KPNA7: variants seen among roughly 807,000 people sequenced by gnomAD.
KPNA7 encodes the protein importin subunit alpha-8.
KPNA7 carries 54 observed loss-of-function variants against 53.7 expected under a neutral mutation model. The ratio of observed to expected loss-of-function variants is 1.01; its 90% CI spans 0.81 to 1.26. The LOEUF is 1.26. KPNA7 is among the 50% of genes most tolerant of loss of function. The pLI, the probability that KPNA7 is intolerant of heterozygous loss-of-function variation, is 0.00. For synonymous variants in KPNA7, 276 were observed against 259.3 expected (o/e 1.06, Z -0.62); for missense variants, 640 against 644.5 (o/e 0.99, Z 0.07).
chr7:99,162,709 A>G, the KPNA7 span, among the ~76,000 whole-genome samples: 1 of 152,218 alleles, frequency 6.6e-6, no homozygotes, highest in East Asian at 1.9e-4. Context: ...CTCGGACAAC[A>G]GTGACTAAGC....
intron 2 of KPNA7, among the ~76,000 whole-genome samples, chr7:99,206,957 G>C (rs910466061): frequency 2.0e-5 from 3 of 152,052 alleles, no homozygotes; most frequent in African/African-American, 4.8e-5. Flanking sequence ...ATAATTCAGG[G>C]AAACACCTAG....
Position 99,207,426 on chromosome 7 carries a change from A to C in KPNA7, c.41T>G (p.Phe14Cys), listed in dbSNP as rs528821704. The change falls in exon 2 of 11, where the codon TTT becomes TGT. Residue 14 changes from phenylalanine to cysteine, a missense_variant. Coordinates refer to ENST00000327442, the MANE Select transcript of KPNA7 (RefSeq NM_001145715.3). ...AGACACATCTTTGCCTCGGTACTTA[A>C]ATTTTCTCCGCCTCTCTTCTGGAGC... is the stretch of plus-strand genomic sequence containing the variant. ...LDAPEERRRK[F>C]KYRGKDVSLR... 14 of 1,551,322 alleles carry C rather than the reference A, an allele frequency of 9.0e-6. No homozygotes were observed. The highest frequency in any genetic ancestry group is 1.2e-5 in the Non-Finnish European group (14 of 1,146,900).
At chr7:99,200,561 A>G (rs1790469033) in intron 3 of KPNA7, among the ~76,000 whole-genome samples, 2 of 152,208 alleles carry the variant, frequency 1.3e-5, no homozygotes, top group African/African-American at 4.8e-5. Flanking sequence ...CTTAGTTCAT[A>G]ACCCAGTTAT....
chr7:99,193,664 CCTTTT>C (rs1388878390), intron 5 of KPNA7, among the ~76,000 whole-genome samples: 4 of 150,072 alleles, frequency 2.7e-5, no homozygotes, highest in African/African-American at 7.4e-5. Context: ...CCTCCTGCAG[CCTTTT>C]ATTTTTTTTT....
intron 2 of KPNA7, among the ~76,000 whole-genome samples, chr7:99,204,151 G>A (rs1000831065): frequency 1.3e-5 from 2 of 152,036 alleles, no homozygotes; most frequent in Non-Finnish European, 2.9e-5. Context: ...AGGTCAAGGT[G>A]GGAGGATCAT....
intron 10 of KPNA7, among the ~76,000 whole-genome samples, chr7:99,174,940 A>T (rs1798845993): frequency 6.6e-6 from 1 of 151,652 alleles, no homozygotes; most frequent in Non-Finnish European, 1.5e-5. Flanking sequence ...CCTCCTGAGT[A>T]GCTGGGATTA....
At chr7:99,152,369 G>T in the KPNA7 span, among the ~76,000 whole-genome samples, 8 of 138,276 alleles carry the variant, frequency 5.8e-5, no homozygotes, top group African/African-American at 2.2e-4. Context: ...AAAAAAAAAA[G>T]AAAAAGAAAA....
chr7:99,214,179 C>T (rs1381485183), intron 1 of KPNA7, among the ~76,000 whole-genome samples: 1 of 151,792 alleles, frequency 6.6e-6, no homozygotes, highest in African/African-American at 2.4e-5. Flanking sequence ...CCTGTAATCC[C>T]AGCACCTTGG....
chr7:99,188,690 A>G, intron 6 of KPNA7, 127 bp from the exon 7 acceptor site: 3 of 1,045,806 alleles, frequency 2.9e-6, no homozygotes, highest in East Asian at 2.7e-5. Flanking sequence ...AATTTTATTT[A>G]TTATTTTCAG....
intron 1 of KPNA7, among the ~76,000 whole-genome samples, chr7:99,216,178 C>A (rs1223024502): frequency 6.6e-6 from 1 of 152,060 alleles, no homozygotes; most frequent in African/African-American, 2.4e-5. Flanking sequence ...CAGGCACACA[C>A]CACCACACCC....
At chr7:99,194,425 T>A (rs1278996287) in intron 5 of KPNA7, among the ~76,000 whole-genome samples, 3 of 152,122 alleles carry the variant, frequency 2.0e-5, no homozygotes, top group African/African-American at 7.2e-5. Context: ...GGTCCCGAGT[T>A]ATGTAAGGGT....
chr7:99,148,552 T>C, the KPNA7 span, among the ~76,000 whole-genome samples: 1 of 152,172 alleles, frequency 6.6e-6, no homozygotes, highest in South Asian at 2.1e-4. Flanking sequence ...GAAACCAATT[T>C]ATGAATCCTG....
chr7:99,193,299 G>T (rs778683306), intron 5 of KPNA7, among the ~76,000 whole-genome samples, 198 bp from the exon 6 acceptor site: 9 of 152,224 alleles, frequency 5.9e-5, no homozygotes, highest in Non-Finnish European at 1.3e-4. Context: ...TAACAGGCAG[G>T]CATCACACAG....
chr7:99,195,204 T>C lies in KPNA7; in HGVS notation c.419A>G (p.Asn140Ser). 2.6e-6 allele frequency: 4 copies of C among 1,551,630 alleles called. No homozygotes were observed. Among genetic ancestry groups the C allele is most frequent in the Non-Finnish European group, 3.5e-6 (4 of 1,147,000 alleles). ...CTGCTCCGAAGTCCCTGAAGCGATG[T>C]TGGTCAGGGCCCAGGCAGCCTCAAA... is the stretch of plus-strand genomic sequence containing the variant. ...LQFEAAWALT[N>S]IASGTSEQTR... The change falls in exon 5 of 11, where the codon AAC (asparagine) becomes AGC (serine). Residue 140 changes from asparagine (N) to serine (S), a missense_variant. Asn to Ser is a conservative substitution (Grantham distance 46). Transcript: ENST00000327442.
chr7:99,151,800 T>C, the KPNA7 span, among the ~76,000 whole-genome samples: 1 of 152,022 alleles, frequency 6.6e-6, no homozygotes, highest in Non-Finnish European at 1.5e-5. Context: ...TGTGGTAACA[T>C]GCAAGGAATT....
the KPNA7 span, among the ~76,000 whole-genome samples, chr7:99,160,740 G>C: frequency 1.2e-3 from 188 of 152,242 alleles, 1 homozygote; most frequent in African/African-American, 4.4e-3. Context: ...ATCCACTCCA[G>C]GGTGGAGTGG....
At chr7:99,213,456 A>AG (rs1554472991) in intron 1 of KPNA7, among the ~76,000 whole-genome samples, 172 of 126,096 alleles carry the variant, frequency 1.4e-3, no homozygotes, top group Middle Eastern at 8.8e-3. Flanking sequence ...AAAAAAAAAA[A>AG]AGAGAGAGAG....
downstream of KPNA7, among the ~76,000 whole-genome samples, chr7:99,172,840 ATCACCTGAGG>A (rs1563061624): frequency 6.6e-6 from 1 of 152,082 alleles, no homozygotes; most frequent in Non-Finnish European, 1.5e-5. Context: ...AGACATGTGG[ATCACCTGAGG>A]TCATGAGTTT....
Position 99,185,064 on chromosome 7 carries a change from G to A in KPNA7, c.999C>T (p.Leu333=). The A allele has an allele frequency of 6.4e-7, 1 of 1,551,904 alleles. No homozygotes were observed. Among genetic ancestry groups the A allele is most frequent in the Non-Finnish European group, 8.7e-7 (1 of 1,147,034 alleles). ...DAGMLNVLPQ[L]LQHNKPSIQK... ...GGATGGAGGGCTTGTTGTGTTGCAG[G>A]AGCTGGGGGAGCACGTTCAGCATAC... Residue 333 remains leucine, a synonymous_variant, in exon 8 of 11, where the codon CTC becomes CTT. Coordinates refer to ENST00000327442, the MANE Select transcript of KPNA7 (RefSeq NM_001145715.3).
Sources: gnomAD v4.1 joint callset for allele counts (sites outside exome capture counted in the v4.1 genomes callset) on GRCh38, gnomAD v4.1.1 for gene constraint, MANE v1.5 for transcripts, NCBI Gene and HGNC (gene_info 2026-07-23, HGNC 2026-07-21) for gene names.